ZBTB7C: variants seen among roughly 807,000 people sequenced by gnomAD.
The protein encoded by ZBTB7C is zinc finger and BTB domain containing 7C.
ZBTB7C carries 8 observed loss-of-function variants against 25.7 expected under a neutral mutation model. The observed-to-expected ratio is 0.31, with a 90% CI of 0.18 to 0.56. The LOEUF is 0.56. Among genes scored for constraint, ZBTB7C ranks in the 20% least tolerant of loss-of-function variants. ZBTB7C has a pLI of 0.91. For synonymous variants in ZBTB7C, 394 were observed against 369.0 expected (o/e 1.07, Z -0.78); for missense variants, 824 against 855.2 (o/e 0.96, Z 0.46).
At chr18:48,192,145 G>A (rs2042212529) in intron 2 of ZBTB7C, among the ~76,000 whole-genome samples, 1 of 152,170 alleles carries the variant, frequency 6.6e-6, no homozygotes, top group African/African-American at 2.4e-5. Flanking sequence ...GCCACAGAAA[G>A]ATATGGAGGA....
intron 2 of ZBTB7C, among the ~76,000 whole-genome samples, chr18:48,206,157 C>G (rs2042572091): frequency 6.6e-6 from 1 of 152,000 alleles, no homozygotes; most frequent in Non-Finnish European, 1.5e-5. Flanking sequence ...TGAAGAAGAA[C>G]AAAGAGAATT....
At position 48,108,974 on chromosome 18, in the gene ZBTB7C, G is replaced by C. The variant is rs143935647; in HGVS notation, c.-16-67851C>G. Among the ~76,000 whole-genome samples, 525 of 152,156 alleles carry C rather than the reference G, an allele frequency of 3.5e-3. 5 individuals carry two copies. Among genetic ancestry groups the C allele is most frequent in the African/African-American group, 0.012 (505 of 41,502 alleles). ...AGTGGAGCACTTGGGGGTAAGGAAG[G>C]GGGGCTCTGAGCTATGAACAAAGCC... On this transcript the variant is annotated intron_variant, in intron 3 of 4. Coordinates refer to ENST00000590800, the MANE Select transcript of ZBTB7C (RefSeq NM_001318841.2).
At chr18:48,174,140 C>A (rs1333487747) in intron 3 of ZBTB7C, among the ~76,000 whole-genome samples, 1 of 152,110 alleles carries the variant, frequency 6.6e-6, no homozygotes, top group Non-Finnish European at 1.5e-5. Flanking sequence ...ATTTATATGG[C>A]AAATCCCATA....
chr18:48,307,793 A>G (rs1005865326), intron 2 of ZBTB7C, among the ~76,000 whole-genome samples: 9 of 152,202 alleles, frequency 5.9e-5, no homozygotes, highest in South Asian at 2.1e-4. Context: ...GATTGCAGTG[A>G]GCTGAGATCA....
intron 1 of ZBTB7C, among the ~76,000 whole-genome samples, chr18:48,377,223 G>A (rs1195293901): frequency 6.6e-6 from 1 of 152,188 alleles, no homozygotes; most frequent in Non-Finnish European, 1.5e-5. Flanking sequence ...TATTTCTTAA[G>A]AGTCTACTCC....
intron 3 of ZBTB7C, among the ~76,000 whole-genome samples, chr18:48,084,792 G>A (rs533782662): frequency 7.9e-5 from 12 of 152,294 alleles, no homozygotes; most frequent in African/African-American, 2.9e-4. Context: ...TGAAGCACTT[G>A]GCAAGGCAGA....
chr18:48,267,853 C>T (rs998124606), intron 2 of ZBTB7C, among the ~76,000 whole-genome samples: 11 of 152,198 alleles, frequency 7.2e-5, no homozygotes, highest in African/African-American at 2.7e-4. Flanking sequence ...AATCTACGGG[C>T]ACCTTGATCT....
At chr18:48,361,250 T>A (rs928416889) in intron 1 of ZBTB7C, among the ~76,000 whole-genome samples, 4 of 152,162 alleles carry the variant, frequency 2.6e-5, no homozygotes, top group Admixed American at 6.5e-5. Flanking sequence ...TGTGTGGAAA[T>A]CTTGGCTTCT....
At chr18:48,374,741 G>A (rs1469152911) in intron 1 of ZBTB7C, among the ~76,000 whole-genome samples, 1 of 152,182 alleles carries the variant, frequency 6.6e-6, no homozygotes, top group Non-Finnish European at 1.5e-5. Flanking sequence ...GTGCTAATGG[G>A]GGGATTTTAG....
intron 2 of ZBTB7C, among the ~76,000 whole-genome samples, chr18:48,314,240 G>A (rs2045891564): frequency 1.3e-5 from 2 of 152,172 alleles, no homozygotes; most frequent in South Asian, 2.1e-4. Context: ...TTTAGTATAA[G>A]TGCGTTCTGT....
chr18:48,149,745 T>A (rs1185063201), intron 3 of ZBTB7C: 1 of 151,802 alleles, frequency 6.6e-6, no homozygotes, highest in Non-Finnish European at 1.5e-5. Context: ...AAAATAATCA[T>A]AATGGTGGCA....
chr18:48,189,357 A>G (rs1258122575), intron 2 of ZBTB7C, among the ~76,000 whole-genome samples: 1 of 152,090 alleles, frequency 6.6e-6, no homozygotes, highest in Non-Finnish European at 1.5e-5. Context: ...TTTTTTTTCT[A>G]TGCCCTGGAT....
At chr18:48,126,300 TATTA>T (rs2039796605) in intron 3 of ZBTB7C, among the ~76,000 whole-genome samples, 1 of 152,204 alleles carries the variant, frequency 6.6e-6, no homozygotes, top group African/African-American at 2.4e-5. Context: ...AGAAGGGTCT[TATTA>T]ATCACATCAG....
intron 2 of ZBTB7C, among the ~76,000 whole-genome samples, chr18:48,270,702 A>AG (rs1304190886): frequency 2.0e-5 from 3 of 150,794 alleles, no homozygotes; most frequent in Admixed American, 1.3e-4. Flanking sequence ...AAAAAAAAAA[A>AG]AAAAAATTTT....
In ZBTB7C at chr18:48,297,435, C is replaced by T. The variant is rs569490112; in HGVS notation, c.-79+40739G>A. Among the ~76,000 whole-genome samples the T allele has an allele frequency of 5.3e-5, 8 of 152,244 alleles. No individual in the cohort carries two copies. The South Asian group carries it at 1.7e-3, about 32-fold the overall frequency. On this transcript the variant is annotated intron_variant, in intron 2 of 4. Coordinates refer to ENST00000590800, the MANE Select transcript of ZBTB7C (RefSeq NM_001318841.2). ...CCCACTGCCCTTCCCTGGAGAGAGG[C>T]TCTGTCATGCATCGGCTGTTCATTG...
intron 3 of ZBTB7C, among the ~76,000 whole-genome samples, chr18:48,083,423 C>T (rs1426408448): frequency 6.6e-6 from 1 of 152,110 alleles, no homozygotes; most frequent in Non-Finnish European, 1.5e-5. Context: ...AGCCCCTCGT[C>T]CCCTGCCTGT....
In ZBTB7C at chr18:48,216,293, A is replaced by C. The variant is rs575428052; in HGVS notation, c.-78-30298T>G. ...ATTTGTTTTCTCCAGCTCACCAGTAAGGAGGAAGAGCTGTGTGGACTTGCT... is the reference window on the plus strand; with the variant it reads ...ATTTGTTTTCTCCAGCTCACCAGTACGGAGGAAGAGCTGTGTGGACTTGCT... On this transcript the variant is annotated intron_variant, in intron 2 of 4. Coordinates refer to ENST00000590800, the MANE Select transcript of ZBTB7C (RefSeq NM_001318841.2). Among the ~76,000 whole-genome samples, 8 of 152,302 alleles carry C rather than the reference A, an allele frequency of 5.3e-5. No homozygotes were observed. The South Asian group carries it at 1.7e-3, about 32-fold the overall frequency.
In ZBTB7C at chr18:48,026,988, G is replaced by C. The variant is rs2035545262; in HGVS notation, c.*2272C>G. The C allele has an allele frequency of 6.6e-6, 1 of 150,942 alleles. No individual in the cohort carries two copies. 9.4% of individuals were successfully genotyped at this position (150,942 alleles called of 1,614,324 possible). A position where few individuals can be genotyped will look rare whatever the true frequency, so the allele number is the denominator to read the frequency against. ...CCGAAGTTATGGAAGATTGTCCCTT[G>C]AATCACTAAGGCAAACTTTGTTGAG... On this transcript the variant is annotated 3_prime_UTR_variant, in exon 5 of 5. Coordinates refer to ENST00000590800, the MANE Select transcript of ZBTB7C (RefSeq NM_001318841.2).
intron 2 of ZBTB7C, among the ~76,000 whole-genome samples, chr18:48,197,513 T>C (rs549226993): frequency 2.7e-4 from 41 of 152,318 alleles, no homozygotes; most frequent in African/African-American, 9.6e-4. Context: ...TTAAATAAAA[T>C]GCTGTATTGG....
Sources: allele counts gnomAD v4.1 joint callset (sites outside exome capture counted in the v4.1 genomes callset), GRCh38; gene constraint gnomAD v4.1.1; transcripts MANE v1.5; gene names NCBI Gene and HGNC (gene_info 2026-07-23, HGNC 2026-07-21).